FGD2: variants seen among roughly 807,000 people sequenced by gnomAD.
The protein encoded by FGD2 is FYVE, RhoGEF and PH domain-containing protein 2.
A neutral mutation model predicts 75.9 loss-of-function variants in FGD2; 52 were observed. The ratio of observed to expected loss-of-function variants is 0.69; its 90% CI spans 0.55 to 0.86. FGD2 has a LOEUF of 0.86. FGD2 is among the 40% of genes least tolerant of loss of function. The pLI is 0.00. For missense variants in FGD2, 790 were observed against 872.0 expected, an observed-to-expected ratio of 0.91 and a Z score of 1.18; for synonymous variants, 347 against 348.6, an observed-to-expected ratio of 1.00 and a Z score of 0.05.
intron 1 of FGD2, among the ~76,000 whole-genome samples, chr6:37,006,301 GT>G (rs1475468788): frequency 6.6e-6 from 1 of 152,208 alleles, no homozygotes; most frequent in Non-Finnish European, 1.5e-5. Flanking sequence ...AAATGTGGTG[GT>G]TGTGGGGGAG....
intron 3 of FGD2, 120 bp downstream of exon 3, chr6:37,011,170 G>T: frequency 1.0e-6 from 1 of 981,774 alleles, no homozygotes; most frequent in Non-Finnish European, 1.6e-6. Context: ...TTGACTCCAG[G>T]AAGCCTTGGC....
chr6:37,028,052 C>T lies in FGD2; in HGVS notation c.1857C>T (p.Tyr619=), dbSNP rs139560656. The T allele has an allele frequency of 3.1e-6, 5 of 1,613,926 alleles. No individual in the cohort carries two copies. The highest frequency in any genetic ancestry group is 4.2e-6 in the Non-Finnish European group (5 of 1,180,052). The part of the protein sequence containing the change: ...VFQLQQSGQL[Y]TFKAETEELK... ...AGCTACAGCAGTCAGGCCAGCTCTA[C>T]ACCTTCAAGGCCGAGACGGAGGAGC... is the stretch of plus-strand genomic sequence containing the variant. Residue 619 remains tyrosine, a synonymous_variant, in exon 16 of 16, where the codon TAC becomes TAT. Transcript: ENST00000274963.
chr6:37,012,243 T>C (rs978492220), intron 4 of FGD2, among the ~76,000 whole-genome samples: 4 of 152,260 alleles, frequency 2.6e-5, no homozygotes. Flanking sequence ...AGAAACCCTC[T>C]TGTTTTCACA....
At chr6:37,013,303 T>C in intron 4 of FGD2, 1 of 367,046 alleles carries the variant, frequency 2.7e-6, no homozygotes, top group Non-Finnish European at 4.4e-6. Flanking sequence ...GCTTGGTAGG[T>C]AGCCCTCGTT....
intron 9 of FGD2, 25 bp from the exon 10 acceptor site, chr6:37,020,516 C>G: frequency 6.3e-7 from 1 of 1,589,406 alleles, no homozygotes; most frequent in South Asian, 1.1e-5. Context: ...TGAGTCTGAA[C>G]TGGTTGCCTC....
chr6:37,020,759 C>T lies in FGD2; in HGVS notation c.1233+20C>T. The T allele has an allele frequency of 6.4e-7, 1 of 1,558,506 alleles. No individual in the cohort carries two copies. Among genetic ancestry groups the T allele is most frequent in the East Asian group, 2.4e-5 (1 of 41,826 alleles). On this transcript the variant is annotated intron_variant, in intron 11 of 15. Transcript: ENST00000274963. ...ATGCAGGTATGGGAACGCTCCGAGG[C>T]TTCTGGGAGTCTTTTTCCTTTCTTT... is the stretch of plus-strand genomic sequence containing the variant.
At chr6:37,011,973 C>A in intron 4 of FGD2, 119 bp downstream of exon 4, 1 of 1,155,876 alleles carries the variant, frequency 8.7e-7, no homozygotes, top group African/African-American at 1.6e-5. Context: ...TGTGGCCATG[C>A]CTCCCTGGGG....
Position 37,025,787 on chromosome 6 carries a change from C to T in FGD2, c.1459-5C>T. 1 of 1,614,166 alleles carries T rather than the reference C, an allele frequency of 6.2e-7. No homozygotes were observed. Among genetic ancestry groups the T allele is most frequent in the African/African-American group, 1.3e-5 (1 of 75,048 alleles). The stretch of plus-strand genomic sequence containing the variant: ...GCCCCATGCCCCCTTATGTGTCCTC[C>T]TCAGGTGGTGTGTGCCAGGTGCTCC... On this transcript the variant is annotated splice_region_variant and splice_polypyrimidine_tract_variant and intron_variant, in intron 13 of 15. Transcript: ENST00000274963.
chr6:37,012,725 AAAG>A, intron 4 of FGD2, among the ~76,000 whole-genome samples: 1 of 151,240 alleles, frequency 6.6e-6, no homozygotes, highest in Non-Finnish European at 1.5e-5. Flanking sequence ...AAAAAAAAAA[AAAG>A]AAAGAAAAGA....
In FGD2 at chr6:37,028,997, C is replaced by G. The variant is rs708017; in HGVS notation, c.*834C>G. ...GAATAAAGAGAGCAAACTACCACAA[C>G]CAATGGTTGAGCCCCTGTCAAGTGC... On this transcript the variant is annotated 3_prime_UTR_variant, in exon 16 of 16. Transcript: ENST00000274963. The G allele has an allele frequency of 0.56, 84,811 of 151,584 alleles. 24,331 individuals carry two copies. Among genetic ancestry groups the G allele is most frequent in the East Asian group, 0.87 (4,480 of 5,150 alleles). 9.4% of individuals were successfully genotyped at this position (151,584 alleles called of 1,614,324 possible).
At chr6:37,022,940 G>T in intron 13 of FGD2, 1 of 155,458 alleles carries the variant, frequency 6.4e-6, no homozygotes, top group East Asian at 1.9e-4. Context: ...ACCCATTGAG[G>T]TTAAATTACT....
At chr6:37,025,959 G>A (rs370605887) in intron 14 of FGD2, 21 bp downstream of exon 14, 23 of 1,612,894 alleles carry the variant, frequency 1.4e-5, no homozygotes, top group Middle Eastern at 1.6e-4. Context: ...CTGTCCCCGC[G>A]CTCACCATCC....
At chr6:37,021,705 C>A in intron 12 of FGD2, 101 bp downstream of exon 12, 1 of 1,085,884 alleles carries the variant, frequency 9.2e-7, no homozygotes, top group Non-Finnish European at 1.3e-6. Context: ...GAGGGAGTGT[C>A]ATCTGCCAGG....
chr6:37,006,032 T>A, intron 1 of FGD2, 147 bp downstream of exon 1: 1 of 900,572 alleles, frequency 1.1e-6, no homozygotes, highest in East Asian at 2.7e-5. Context: ...CCTTGGAGCA[T>A]GGGAGAGTGT....
intron 2 of FGD2, 134 bp from the exon 3 acceptor site, chr6:37,010,839 A>G: frequency 1.3e-6 from 1 of 798,182 alleles, no homozygotes; most frequent in Non-Finnish European, 2.1e-6. Context: ...GCCCAGATGC[A>G]CTGCGGGAGG....
chr6:37,013,612 A>G lies in FGD2; in HGVS notation c.531A>G (p.Thr177=), dbSNP rs183586997. Residue 177 remains threonine, a synonymous_variant, in exon 5 of 16, where the codon ACA becomes ACG. Transcript: ENST00000274963. The part of the protein sequence containing the change: ...PELQRRLDDW[T]ANPRIGDVIQ... ...AATCCCTGTGCCCCTCCTGCAGGAC[A>G]GCTAACCCCCGCATCGGTGACGTGA... is the stretch of plus-strand genomic sequence containing the variant. 7.4e-6 allele frequency: 12 copies of G among 1,613,620 alleles called. No homozygotes were observed. In the African/African-American group the frequency reaches 1.3e-4, roughly 18 times the overall value.
chr6:37,007,396 G>T (rs1451956039), intron 1 of FGD2, among the ~76,000 whole-genome samples: 1 of 152,154 alleles, frequency 6.6e-6, no homozygotes, highest in Non-Finnish European at 1.5e-5. Context: ...ACAGCTCTTG[G>T]GTGCCGCCTT....
At chr6:37,012,783 A>AT (rs1252558344) in intron 4 of FGD2, among the ~76,000 whole-genome samples, 1 of 151,308 alleles carries the variant, frequency 6.6e-6, no homozygotes, top group Non-Finnish European at 1.5e-5. Context: ...CATCATTCCA[A>AT]TTTTTTTCAA....
Position 37,025,837 on chromosome 6 carries a change from G to A in FGD2, c.1504G>A (p.Asp502Asn), listed in dbSNP as rs151103262. 275 of 1,614,104 alleles carry A rather than the reference G, an allele frequency of 1.7e-4. No homozygotes were observed. The East Asian group carries it at 4.8e-3, about 28-fold the overall frequency. ...CGACTACCGGGCCGAACTGAAATAC[G>A]ACGACAACAGGCCCAACCGAGTCTG... ...CSDYRAELKY[D>N]DNRPNRVCLH... The change falls in exon 14 of 16, where the codon GAC (aspartate) becomes AAC (asparagine). Residue 502 changes from aspartate to asparagine, a missense_variant. Transcript: ENST00000274963.
Sources: gnomAD v4.1 joint callset for allele counts (sites outside exome capture counted in the v4.1 genomes callset) on GRCh38, gnomAD v4.1.1 for gene constraint, MANE v1.5 for transcripts, NCBI Gene and HGNC (gene_info 2026-07-23, HGNC 2026-07-21) for gene names.